NINJ2: variants seen among roughly 807,000 people sequenced by gnomAD.
NINJ2 encodes ninjurin 2, also known as ninjurin-2.
A neutral mutation model predicts 11.7 loss-of-function variants in NINJ2; 12 were observed. The observed-to-expected ratio is 1.02, with a 90% CI of 0.66 to 1.66. NINJ2 has a LOEUF of 1.66. Ranked by LOEUF, NINJ2 falls within the 40% of genes most tolerant of loss-of-function variation. The probability of loss-of-function intolerance (pLI) is 0.00; values close to 1 mark genes in which losing one functional copy is unlikely to be tolerated. For missense variants in NINJ2, 187 were observed against 181.8 expected (o/e 1.03, Z -0.16); for synonymous variants, 93 against 76.8 (o/e 1.21, Z -1.10).
intron 1 of NINJ2, among the ~76,000 whole-genome samples, chr12:622,434 A>AAG (rs1206701601): frequency 1.6e-4 from 23 of 144,300 alleles, no homozygotes; most frequent in African/African-American, 6.2e-4. Flanking sequence ...AAAAAAAAAA[A>AAG]GGAAAGAAAG....
At chr12:588,167 C>G (rs1444449486) in intron 1 of NINJ2, among the ~76,000 whole-genome samples, 2 of 128,084 alleles carry the variant, frequency 1.6e-5, no homozygotes, top group African/African-American at 3.1e-5. Flanking sequence ...AGGGAAGGGA[C>G]GGAAGGGACG....
intron 1 of NINJ2, among the ~76,000 whole-genome samples, chr12:601,853 G>T (rs1032235056): frequency 1.3e-5 from 2 of 152,166 alleles, no homozygotes; most frequent in African/African-American, 4.8e-5. Context: ...AGATCAGCCT[G>T]AGCGATAGAG....
intron 1 of NINJ2, among the ~76,000 whole-genome samples, chr12:636,616 C>T (rs960334541): frequency 1.3e-5 from 2 of 151,814 alleles, no homozygotes; most frequent in Non-Finnish European, 2.9e-5. Context: ...GGCCAACAAG[C>T]TTCATGAAAA....
At chr12:630,793 C>A (rs1270681232) in intron 1 of NINJ2, 1 of 152,362 alleles carries the variant, frequency 6.6e-6, no homozygotes, top group South Asian at 2.1e-4. Context: ...GCGGCGGGCT[C>A]CCTCCGGAGA....
intron 1 of NINJ2, among the ~76,000 whole-genome samples, chr12:576,048 G>A (rs1947454030): frequency 6.6e-6 from 1 of 152,148 alleles, no homozygotes; most frequent in Admixed American, 6.5e-5. Flanking sequence ...CAGTGATCTC[G>A]CCCTTAAAAA....
chr12:603,919 C>T (rs1947905153), intron 1 of NINJ2, among the ~76,000 whole-genome samples: 1 of 152,178 alleles, frequency 6.6e-6, no homozygotes, highest in Admixed American at 6.5e-5. Context: ...CCTCAGCCTC[C>T]CAAAGTGCTG....
chr12:579,485 A>G (rs1947515689), intron 1 of NINJ2, among the ~76,000 whole-genome samples: 1 of 143,590 alleles, frequency 7.0e-6, no homozygotes, highest in South Asian at 2.3e-4. Context: ...GGAGTCACAC[A>G]AAACAAAACA....
intron 1 of NINJ2, among the ~76,000 whole-genome samples, chr12:662,033 T>G (rs536192788): frequency 1.1e-3 from 171 of 152,320 alleles, no homozygotes; most frequent in African/African-American, 3.9e-3. Context: ...TGAGCAGTGC[T>G]ATGAAAGAAA....
chr12:657,574 G>A (rs908270911), intron 1 of NINJ2, among the ~76,000 whole-genome samples: 1 of 152,128 alleles, frequency 6.6e-6, no homozygotes, highest in African/African-American at 2.4e-5. Context: ...GGAAGACAGA[G>A]CGAGACTCCT....
chr12:647,743 G>A (rs745745032), intron 1 of NINJ2, among the ~76,000 whole-genome samples: 43 of 152,184 alleles, frequency 2.8e-4, no homozygotes, highest in Non-Finnish European at 4.6e-4. Flanking sequence ...GGGGACTTGT[G>A]AAAATACAGA....
Position 566,163 on chromosome 12 carries a change from G to T in NINJ2, c.49C>A (p.Pro17Thr), listed in dbSNP as rs761394796. The change falls in exon 2 of 4, where the codon CCC becomes ACC. Residue 17 changes from proline (P) to threonine (T), a missense_variant. Coordinates refer to ENST00000305108, the MANE Select transcript of NINJ2 (RefSeq NM_016533.6). ...NIDLQPGSSD[P>T]RSQPINLNHY... ...TTCAGGTTGATGGGCTGGCTCCTGG[G>T]GTCGGAGCTTCCAGGCTGTAGGGGA... The T allele has an allele frequency of 1.8e-5, 29 of 1,613,538 alleles. No individual in the cohort carries two copies. The South Asian group carries it at 3.2e-4, about 18-fold the overall frequency.
At chr12:636,998 A>G (rs1270275706) in intron 1 of NINJ2, among the ~76,000 whole-genome samples, 6 of 152,220 alleles carry the variant, frequency 3.9e-5, no homozygotes, top group African/African-American at 1.4e-4. Context: ...CCATCAGCAG[A>G]TGAATGGATA....
At chr12:601,877 CA>C (rs1025412505) in intron 1 of NINJ2, among the ~76,000 whole-genome samples, 4 of 151,846 alleles carry the variant, frequency 2.6e-5, no homozygotes, top group Non-Finnish European at 5.9e-5. Flanking sequence ...GACTCTGTGT[CA>C]AAAAAATAAA....
intron 1 of NINJ2, among the ~76,000 whole-genome samples, chr12:609,074 G>A (rs548337187): frequency 5.4e-5 from 8 of 147,868 alleles, no homozygotes; most frequent in Non-Finnish European, 1.0e-4. Context: ...GCACACGCAC[G>A]GCGCCACGCT....
chr12:606,977 G>C (rs956923562), intron 1 of NINJ2, among the ~76,000 whole-genome samples: 3 of 152,156 alleles, frequency 2.0e-5, no homozygotes, highest in Admixed American at 2.0e-4. Flanking sequence ...TGAATCCCCG[G>C]CCCCAACTCT....
In NINJ2 at chr12:614,092, C is replaced by T. The variant is rs1338208664; in HGVS notation, c.34-47914G>A. Among the ~76,000 whole-genome samples the T allele has an allele frequency of 6.6e-6, 1 of 152,098 alleles. No homozygotes were observed. Among genetic ancestry groups the T allele is most frequent in the Non-Finnish European group, 1.5e-5 (1 of 68,016 alleles). On this transcript the variant is annotated intron_variant, in intron 1 of 3. Transcript: ENST00000305108. The surrounding 1 kb of genome is among the most constrained non-coding windows in gnomAD (Gnocchi z 5.1). ...GCATGTGGGGTGGAGAAAGGCCAAG[C>T]AGCTTGTCCATAGCACGTGGCTAGT...
At chr12:617,432 A>G (rs1237767381) in intron 1 of NINJ2, among the ~76,000 whole-genome samples, 1 of 152,254 alleles carries the variant, frequency 6.6e-6, no homozygotes, top group East Asian at 1.9e-4. Flanking sequence ...CCGTGGCCCA[A>G]GCATTCCTTC....
intron 1 of NINJ2, among the ~76,000 whole-genome samples, chr12:634,395 G>T (rs941601297): frequency 1.3e-5 from 2 of 150,408 alleles, no homozygotes; most frequent in Admixed American, 1.3e-4. Flanking sequence ...TAGTAGCTGG[G>T]ATTACTGGCG....
chr12:586,431 A>T (rs1458565761), intron 1 of NINJ2: 1 of 152,264 alleles, frequency 6.6e-6, no homozygotes, highest in Non-Finnish European at 1.5e-5. Flanking sequence ...CCACTCTCAG[A>T]TGATGGTGTC....
Sources: allele counts gnomAD v4.1 joint callset (sites outside exome capture counted in the v4.1 genomes callset), GRCh38; gene constraint gnomAD v4.1.1; non-coding constraint Gnocchi (gnomAD v3.1); transcripts MANE v1.5; gene names NCBI Gene and HGNC (gene_info 2026-07-23, HGNC 2026-07-21).